Variants in TIAM1 observed in about 807,000 individuals in gnomAD.
TIAM1 encodes the protein TIAM Rac1 associated GEF 1.
Under a neutral mutation model 163.5 loss-of-function variants are expected in TIAM1, and 65 were observed. The observed-to-expected ratio is 0.40, with a 90% CI of 0.33 to 0.49. The LOEUF is 0.49. TIAM1 is among the 20% of genes least tolerant of loss of function. The pLI is 0.77. For synonymous variants in TIAM1, 833 were observed against 810.1 expected, an observed-to-expected ratio of 1.03 and a Z score of -0.48; for missense variants, 1,789 against 2,044.7, an observed-to-expected ratio of 0.87 and a Z score of 2.41.
At chr21:31,150,033 T>C (rs897021603) in intron 19 of TIAM1, among the ~76,000 whole-genome samples, 1 of 152,142 alleles carries the variant, frequency 6.6e-6, no homozygotes, top group Non-Finnish European at 1.5e-5. Context: ...TATGGATACA[T>C]ATACACATAG....
chr21:31,451,718 CGTGTGTGTGTGTGTGT>C (rs59110882), intron 2 of TIAM1, among the ~76,000 whole-genome samples: 17 of 142,270 alleles, frequency 1.2e-4, no homozygotes, highest in African/African-American at 3.6e-4. Context: ...CATGTGTGTG[CGTGTGTGTGTGTGTGT>C]GTGTGTGTGT....
Position 31,210,099 on chromosome 21 carries a change from C to T in TIAM1, c.2334G>A (p.Leu778=). 6.2e-7 allele frequency: 1 copy of T among 1,614,160 alleles called. No homozygotes were observed. The highest frequency in any genetic ancestry group is 2.2e-5 in the East Asian group (1 of 44,868). ...WFCLPNNQPA[L]TVVRPGDTAR... ...CAGTGTCGCCTGGCCGGACGACCGT[C>T]AGGGCAGGCTGATTATTGGGCAGAC... Residue 778 remains leucine, a synonymous_variant, in exon 11 of 28, where the codon CTG becomes CTA. Transcript: ENST00000541036.
intron 10 of TIAM1, among the ~76,000 whole-genome samples, chr21:31,210,789 A>AGG (rs1259691123): frequency 7.1e-6 from 1 of 141,114 alleles, no homozygotes; most frequent in African/African-American, 3.1e-5. Flanking sequence ...AAAGAAAGAA[A>AGG]GAAAGAAAGA....
At chr21:31,439,419 A>C (rs1417232884) in intron 2 of TIAM1, among the ~76,000 whole-genome samples, 2 of 152,142 alleles carry the variant, frequency 1.3e-5, no homozygotes, top group Non-Finnish European at 2.9e-5. Flanking sequence ...CCTCCCGGGT[A>C]GCTGGGATTA....
chr21:31,523,786 TG>T (rs2047685631), intron 1 of TIAM1, among the ~76,000 whole-genome samples: 1 of 151,940 alleles, frequency 6.6e-6, no homozygotes, highest in Admixed American at 6.6e-5. Context: ...TAGCCAGGCA[TG>T]GTGGCCTGTA....
chr21:31,461,013 TA>T (rs971712704), intron 2 of TIAM1, among the ~76,000 whole-genome samples: 6 of 152,296 alleles, frequency 3.9e-5, no homozygotes, highest in African/African-American at 1.4e-4. Flanking sequence ...GAATTCCATT[TA>T]GGGGGAAAAA....
intron 2 of TIAM1, among the ~76,000 whole-genome samples, chr21:31,311,424 T>C (rs1162763898): frequency 2.0e-5 from 3 of 152,230 alleles, no homozygotes; most frequent in Non-Finnish European, 4.4e-5. Flanking sequence ...TTCCAGGGAT[T>C]ATGGCCCAAA....
intron 2 of TIAM1, among the ~76,000 whole-genome samples, chr21:31,312,742 G>A (rs746591459): frequency 2.6e-5 from 4 of 152,098 alleles, no homozygotes; most frequent in Non-Finnish European, 4.4e-5. Flanking sequence ...AAATTCCAAC[G>A]CAGGTCCACT....
intron 2 of TIAM1, among the ~76,000 whole-genome samples, chr21:31,454,805 G>A (rs962558429): frequency 2.0e-5 from 3 of 152,184 alleles, no homozygotes; most frequent in African/African-American, 7.2e-5. Flanking sequence ...GAAGGCATCA[G>A]TGTGAATTCA....
chr21:31,130,834 C>T, intron 24 of TIAM1, 56 bp downstream of exon 24: 3 of 1,518,644 alleles, frequency 2.0e-6, no homozygotes, highest in Non-Finnish European at 2.7e-6. Flanking sequence ...GCAGGCATAA[C>T]TGATAAGCAG....
intron 2 of TIAM1, among the ~76,000 whole-genome samples, chr21:31,330,461 C>G (rs9980081): frequency 0.2 from 30,878 of 152,000 alleles, 3,423 homozygotes; most frequent in Middle Eastern, 0.38. Flanking sequence ...TTTTGGGGGA[C>G]AGAGTTTCCC....
At chr21:31,246,861 T>C (rs1252179927) in intron 5 of TIAM1, among the ~76,000 whole-genome samples, 17 of 152,228 alleles carry the variant, frequency 1.1e-4, no homozygotes, top group Non-Finnish European at 2.5e-4. Flanking sequence ...AGTTTGACCA[T>C]GGGCTCTGCT....
At chr21:31,531,401 AT>A (rs2047965980) in intron 1 of TIAM1, among the ~76,000 whole-genome samples, 2 of 151,154 alleles carry the variant, frequency 1.3e-5, no homozygotes, top group South Asian at 4.3e-4. Context: ...AGGAGACTGT[AT>A]GGAAGGAAGG....
intron 1 of TIAM1, among the ~76,000 whole-genome samples, chr21:31,483,515 T>G (rs539185000): frequency 6.5e-4 from 99 of 152,006 alleles, no homozygotes; most frequent in African/African-American, 2.2e-3. Context: ...TTTCTAAGAG[T>G]AGAAGCAGCT....
chr21:31,139,204 C>T lies in TIAM1; in HGVS notation c.3774+1914G>A, dbSNP rs147671083. 3.1e-3 allele frequency among the ~76,000 whole-genome samples: 465 copies of T among 152,188 alleles called. 1 individual carries two copies. The highest frequency in any genetic ancestry group is 0.01 in the African/African-American group (423 of 41,534). On this transcript the variant is annotated intron_variant, in intron 22 of 27. Transcript: ENST00000541036. Reference sequence around the variant, plus strand: ...ATTCTTTGCAACCCAATATCCATTTCGCCTTCTAATCTTTAGCATCATGGT... The same window carrying T: ...ATTCTTTGCAACCCAATATCCATTTTGCCTTCTAATCTTTAGCATCATGGT...
chr21:31,452,093 G>A (rs931577052), intron 2 of TIAM1, among the ~76,000 whole-genome samples: 1 of 152,150 alleles, frequency 6.6e-6, no homozygotes, highest in African/African-American at 2.4e-5. Flanking sequence ...AATGATCCAT[G>A]TTCTTGTATA....
In TIAM1 at chr21:31,163,794, C is replaced by T. The variant is rs565329561; in HGVS notation, c.2991+1168G>A. On this transcript the variant is annotated intron_variant, in intron 16 of 27. Transcript: ENST00000541036. The stretch of plus-strand genomic sequence containing the variant: ...ATCTCCAAGCAAAGGTAAGAATCAC[C>T]CTGATTTTGCAGATGAGAAAACAAA... 2.0e-5 allele frequency among the ~76,000 whole-genome samples: 3 copies of T among 152,132 alleles called. No individual in the cohort carries two copies. In the South Asian group the frequency reaches 6.2e-4, roughly 32 times the overall value.
At chr21:31,380,589 A>T (rs2076762360) in intron 2 of TIAM1, among the ~76,000 whole-genome samples, 1 of 152,076 alleles carries the variant, frequency 6.6e-6, no homozygotes, top group Non-Finnish European at 1.5e-5. Flanking sequence ...ATATAAAAAT[A>T]AAAAAATTAT....
At chr21:31,127,252 G>A in intron 25 of TIAM1, 100 bp from the exon 26 acceptor site, 1 of 1,005,556 alleles carries the variant, frequency 9.9e-7, no homozygotes, top group Admixed American at 1.8e-5. Flanking sequence ...GATTAATAAT[G>A]CAGAACACTG....
Sources: gnomAD v4.1 joint callset for allele counts (sites outside exome capture counted in the v4.1 genomes callset) on GRCh38, gnomAD v4.1.1 for gene constraint, MANE v1.5 for transcripts, NCBI Gene and HGNC (gene_info 2026-07-23, HGNC 2026-07-21) for gene names.